Variants in MTMR10 observed in about 807,000 individuals in gnomAD.
The protein encoded by MTMR10 is myotubularin related protein 10, also known as myotubularin-related protein 10.
Under a neutral mutation model 88.1 loss-of-function variants are expected in MTMR10, and 56 were observed. The observed-to-expected ratio is 0.64, with a 90% CI of 0.51 to 0.79. MTMR10 has a LOEUF of 0.79. MTMR10 is among the 30% of genes least tolerant of loss of function. The probability of loss-of-function intolerance (pLI) is 0.00; values close to 1 mark genes in which losing one functional copy is unlikely to be tolerated. For missense variants in MTMR10, 883 were observed against 924.7 expected (o/e 0.95, Z 0.58); for synonymous variants, 380 against 340.9 (o/e 1.11, Z -1.26).
At chr15:30,991,308 C>T in intron 1 of MTMR10, 139 bp downstream of exon 1, 1 of 876,070 alleles carries the variant, frequency 1.1e-6, no homozygotes, top group Non-Finnish European at 1.6e-6. Flanking sequence ...TTTCGCGGCG[C>T]CGGGAATCAG....
downstream of MTMR10, among the ~76,000 whole-genome samples, chr15:30,934,605 C>A (rs942046849): frequency 6.6e-6 from 1 of 152,070 alleles, no homozygotes; most frequent in Non-Finnish European, 1.5e-5. Flanking sequence ...GATCTCAAAT[C>A]CCCAGGCTCA....
chr15:30,920,845 C>T, the MTMR10 span, among the ~76,000 whole-genome samples: 1 of 152,198 alleles, frequency 6.6e-6, no homozygotes, highest in African/African-American at 2.4e-5. Flanking sequence ...GGTGCAGTGG[C>T]AGGGTTCAGC....
chr15:30,930,509 G>T, the MTMR10 span: 6 of 1,563,666 alleles, frequency 3.8e-6, no homozygotes, highest in African/African-American at 8.3e-5. Flanking sequence ...CTGTCACGAG[G>T]GAAGTGGCTA....
intron 14 of MTMR10, chr15:30,943,988 T>G (rs1159042708): frequency 2.0e-6 from 2 of 985,276 alleles, no homozygotes; most frequent in African/African-American, 1.7e-5. Context: ...GATTCTTTGT[T>G]CTGTACCTTT....
chr15:30,933,469 A>G, the MTMR10 span, among the ~76,000 whole-genome samples: 1 of 152,170 alleles, frequency 6.6e-6, no homozygotes, highest in African/African-American at 2.4e-5. Flanking sequence ...ATTTAACTCC[A>G]TTGTATTCAG....
chr15:30,970,957 G>A (rs1595935726), intron 5 of MTMR10, among the ~76,000 whole-genome samples: 2 of 152,096 alleles, frequency 1.3e-5, no homozygotes, highest in East Asian at 3.8e-4. Context: ...AATTTCAAGT[G>A]TATAACTTAT....
the MTMR10 span, chr15:30,926,072 GA>G: frequency 9.0e-6 from 8 of 887,094 alleles, no homozygotes; most frequent in African/African-American, 1.7e-5. Context: ...TGGGCTGGGG[GA>G]TGTCTTCCTA....
the MTMR10 span, among the ~76,000 whole-genome samples, chr15:30,931,068 A>C: frequency 6.6e-6 from 1 of 152,296 alleles, no homozygotes; most frequent in East Asian, 1.9e-4. Context: ...AAAGAGTATA[A>C]TGGTTTGTAA....
chr15:30,948,321 A>G lies in MTMR10; in HGVS notation c.1358T>C (p.Leu453Pro). 1 of 1,613,712 alleles carries G rather than the reference A, an allele frequency of 6.2e-7. No individual in the cohort carries two copies. Among genetic ancestry groups the G allele is most frequent in the Non-Finnish European group, 8.5e-7 (1 of 1,179,768 alleles). The change falls in exon 13 of 16, where the codon CTA (leucine) becomes CCA (proline). Residue 453 changes from leucine (L) to proline (P), a missense_variant. Leu to Pro is a moderately conservative substitution (Grantham distance 98). This residue lies in a region of MTMR10 where 126 missense variants were observed against 178.2 expected (regional missense o/e 0.71). Transcript: ENST00000435680. ...GYQFLDRCNHLKRSEKESPLF... is the reference protein window; with the variant it reads ...GYQFLDRCNHPKRSEKESPLF... Reference sequence around the variant, plus strand: ...TGTTACCTCTTTCTCTGATCTCTTTAGATGGTTGCATCTGTCTAGAAACTG... The same window carrying G: ...TGTTACCTCTTTCTCTGATCTCTTTGGATGGTTGCATCTGTCTAGAAACTG...
At chr15:30,937,397 AAC>A (rs2062886546), downstream of MTMR10, 1 of 778,720 alleles carries the variant, frequency 1.3e-6, no homozygotes, top group Admixed American at 3.1e-5. Context: ...CATATCACAA[AAC>A]AGTGTTTGCT....
At chr15:30,959,363 T>C (rs2063370686) in intron 7 of MTMR10, among the ~76,000 whole-genome samples, 1 of 152,236 alleles carries the variant, frequency 6.6e-6, no homozygotes, top group Non-Finnish European at 1.5e-5. Context: ...AAGAAGGTAT[T>C]AGAAATATTT....
chr15:30,933,671 CCTTA>C, the MTMR10 span, among the ~76,000 whole-genome samples: 1 of 151,798 alleles, frequency 6.6e-6, no homozygotes, highest in South Asian at 2.1e-4. Context: ...TTGTCTGTGT[CCTTA>C]CTGATTTCTT....
Position 30,952,019 on chromosome 15 carries a change from C to T in MTMR10, c.1156G>A (p.Ala386Thr), listed in dbSNP as rs747635119. 5 of 1,613,650 alleles carry T rather than the reference C, an allele frequency of 3.1e-6. No homozygotes were observed. The African/African-American group carries it at 6.7e-5, about 22-fold the overall frequency. ...CTTTCTAGCATGTATACAAGTTCTG[C>T]TGAATGCTTAAGGAATGCCCTGAAG... ...EYVRAFLKHS[A>T]ELVYMLESKH... The change falls in exon 12 of 16, where the codon GCA becomes ACA. Residue 386 changes from alanine (A) to threonine (T), a missense_variant. By Grantham distance (58) the Ala-to-Thr change is moderately conservative. Around this residue, in one of 3 missense-constraint regions of MTMR10, gnomAD observed 126 missense variants for 178.2 expected, o/e 0.71. Transcript: ENST00000435680.
chr15:30,991,471 C>G lies in MTMR10; in HGVS notation c.36G>C (p.Arg12Ser). The G allele has an allele frequency of 1.3e-6, 2 of 1,513,596 alleles. No individual in the cohort carries two copies. Among genetic ancestry groups the G allele is most frequent in the Non-Finnish European group, 1.8e-6 (2 of 1,139,178 alleles). The allele number at this position is 1,513,596 out of a possible 1,614,324, so 93.8% of individuals were successfully genotyped here. ...FSLKPPKPTFRSYLLPPPQTD... is the reference protein window; with the variant it reads ...FSLKPPKPTFSSYLLPPPQTD... ...CCTGGGGCGGTGGCAGGAGGTAGGA[C>G]CTGAAGGTGGGTTTGGGCGGCTTGA... Residue 12 changes from arginine to serine, a missense_variant, in exon 1 of 16, where the codon AGG becomes AGC. Arg to Ser is a moderately radical substitution (Grantham distance 110). Around this residue, in one of 3 missense-constraint regions of MTMR10, gnomAD observed 414 missense variants for 423.2 expected, o/e 0.98. Coordinates refer to ENST00000435680, the MANE Select transcript of MTMR10 (RefSeq NM_017762.3).
At position 30,939,465 on chromosome 15, in the gene MTMR10, T is replaced by C; in HGVS notation, c.*2005A>G. 1 of 985,494 alleles carries C rather than the reference T, an allele frequency of 1.0e-6. No homozygotes were observed. Among genetic ancestry groups the C allele is most frequent in the Non-Finnish European group, 1.2e-6 (1 of 829,930 alleles). The allele number at this position is 985,494 out of a possible 1,614,324, so 61.0% of individuals were successfully genotyped here. A position where few individuals can be genotyped will look rare whatever the true frequency, so the allele number is the denominator to read the frequency against. ...ACCCTGGCCCGACTGAAGGCTGTCA[T>C]AGTTGTTTTTCATATTATGCACAAT... On this transcript the variant is annotated 3_prime_UTR_variant, in exon 16 of 16. Coordinates refer to ENST00000435680, the MANE Select transcript of MTMR10 (RefSeq NM_017762.3).
At chr15:30,978,142 T>C (rs954713178) in intron 2 of MTMR10, among the ~76,000 whole-genome samples, 6 of 152,338 alleles carry the variant, frequency 3.9e-5, no homozygotes, top group South Asian at 2.1e-4. Context: ...GTCCAACCAC[T>C]GTCTAGGGAA....
chr15:30,984,098 A>T (rs772044351), intron 2 of MTMR10, among the ~76,000 whole-genome samples: 17 of 152,246 alleles, frequency 1.1e-4, no homozygotes, highest in Non-Finnish European at 2.1e-4. Context: ...ATTGAAGCAA[A>T]TATCAATATT....
chr15:30,966,863 T>TTC (rs1555409840), intron 6 of MTMR10, among the ~76,000 whole-genome samples: 3 of 150,726 alleles, frequency 2.0e-5, no homozygotes, highest in Non-Finnish European at 3.0e-5. Context: ...ATTTTCTTTT[T>TTC]TTTTTTTTTT....
Position 30,991,620 on chromosome 15 carries a change from G to T in MTMR10, c.-114C>A. ...GGCCCTTTCTGCGGCCAGCCGAGCC[G>T]GGCGGACTGACGGGCGGGGATACGG... On this transcript the variant is annotated 5_prime_UTR_variant, in exon 1 of 16. Transcript: ENST00000435680. 6 of 1,303,288 alleles carry T rather than the reference G, an allele frequency of 4.6e-6. No individual in the cohort carries two copies. Among genetic ancestry groups the T allele is most frequent in the Non-Finnish European group, 6.1e-6 (6 of 989,020 alleles). The allele number at this position is 1,303,288 out of a possible 1,614,324, so 80.7% of individuals were successfully genotyped here.
Sources: allele counts gnomAD v4.1 joint callset (sites outside exome capture counted in the v4.1 genomes callset), GRCh38; gene constraint gnomAD v4.1.1; regional missense constraint gnomAD v4.1.1; transcripts MANE v1.5; gene names NCBI Gene and HGNC (gene_info 2026-07-23, HGNC 2026-07-21).